The following RPAP3 variants were observed in gnomAD, a reference collection of about 807,000 sequenced individuals.
RPAP3 encodes the protein RNA polymerase II-associated protein 3.
In RPAP3, 58 loss-of-function variants were observed where a neutral mutation model predicts 88.8. The ratio of observed to expected loss-of-function variants is 0.65; its 90% CI spans 0.53 to 0.81. The LOEUF (loss-of-function observed/expected upper bound fraction) is 0.81. RPAP3 is among the 40% of genes least tolerant of loss of function. RPAP3 has a pLI of 0.00. For synonymous variants in RPAP3, 255 were observed against 259.9 expected (o/e 0.98, Z 0.18); for missense variants, 751 against 764.3 (o/e 0.98, Z 0.20).
At chr12:47,701,698 TCTA>T in intron 2 of RPAP3, 94 bp from the exon 3 acceptor site, 7 of 1,028,412 alleles carry the variant, frequency 6.8e-6, no homozygotes, top group Non-Finnish European at 9.0e-6. Context: ...TATATTTTCT[TCTA>T]AGAATTTTTT....
At chr12:47,679,919 T>C (rs1177876984) in intron 10 of RPAP3, 145 bp from the exon 11 acceptor site, 3 of 597,378 alleles carry the variant, frequency 5.0e-6, no homozygotes, top group Non-Finnish European at 5.9e-6. Context: ...AGGTGAGCTA[T>C]AGTAAGAACA....
intron 5 of RPAP3, 36 bp from the exon 6 acceptor site, chr12:47,690,675 T>A: frequency 7.4e-7 from 1 of 1,356,868 alleles, no homozygotes; most frequent in South Asian, 1.7e-5. Flanking sequence ...ATAAAGTTAA[T>A]AAAACTAATT....
intron 12 of RPAP3, among the ~76,000 whole-genome samples, chr12:47,675,134 A>G (rs923083128): frequency 6.6e-6 from 1 of 152,212 alleles, no homozygotes; most frequent in African/African-American, 2.4e-5. Flanking sequence ...AGAATTTCAT[A>G]TCTAGCCAAA....
intron 8 of RPAP3, among the ~76,000 whole-genome samples, chr12:47,687,277 A>T (rs1939344893): frequency 1.3e-5 from 2 of 152,170 alleles, no homozygotes; most frequent in African/African-American, 4.8e-5. Flanking sequence ...TCATAACTCA[A>T]ATAAATTTTG....
chr12:47,667,540 T>C (rs1342990917), intron 15 of RPAP3, among the ~76,000 whole-genome samples: 1 of 152,164 alleles, frequency 6.6e-6, no homozygotes, highest in Non-Finnish European at 1.5e-5. Flanking sequence ...GTACAGTAAA[T>C]TCTCACTTAA....
At chr12:47,690,922 C>G (rs1939415677) in intron 5 of RPAP3, among the ~76,000 whole-genome samples, 1 of 152,132 alleles carries the variant, frequency 6.6e-6, no homozygotes, top group African/African-American at 2.4e-5. Flanking sequence ...TTTATTTATA[C>G]TGTAATCTAA....
At position 47,701,465 on chromosome 12, in the gene RPAP3, A is replaced by T. The variant is rs369727824; in HGVS notation, c.293T>A (p.Val98Glu). Residue 98 changes from valine to glutamate, a missense_variant and splice_region_variant, in exon 3 of 17, where the codon GTG (valine) becomes GAG (glutamate). By Grantham distance (121) the Val-to-Glu change is moderately radical. Transcript: ENST00000005386. ...AAGCAAATGACTAGATTAACTTACC[A>T]CATCAAGTTTTGCCCATGCCTCATA... ...YDYEAWAKLD[V>E]DRILDELDKD... 4 of 1,558,000 alleles carry T rather than the reference A, an allele frequency of 2.6e-6. No homozygotes were observed. The African/African-American group carries it at 4.2e-5, about 16-fold the overall frequency.
At chr12:47,700,780 G>C (rs1193170915) in intron 3 of RPAP3, among the ~76,000 whole-genome samples, 1 of 152,176 alleles carries the variant, frequency 6.6e-6, no homozygotes, top group East Asian at 1.9e-4. Context: ...CTAGGATCAA[G>C]ATAGGCCTAT....
intron 12 of RPAP3, among the ~76,000 whole-genome samples, chr12:47,671,891 T>C (rs934524598): frequency 6.6e-6 from 1 of 151,938 alleles, no homozygotes; most frequent in East Asian, 1.9e-4. Context: ...GAAACCACTA[T>C]AGAAAGAACT....
rs146896767 is a variant in RPAP3, at chr12:47,705,572, C to G, written c.-7+380G>C. ...GGTGCGAGCCAGCAATCAAAAACTT[C>G]CAGCGCTGGGGGTATCACTTTCACA... On this transcript the variant is annotated intron_variant, in intron 1 of 16. Coordinates refer to ENST00000005386, the MANE Select transcript of RPAP3 (RefSeq NM_024604.3). Among the ~76,000 whole-genome samples the G allele has an allele frequency of 1.8e-3, 279 of 152,320 alleles. 11 individuals are homozygous for G. The East Asian group carries it at 0.043, about 23-fold the overall frequency.
intron 3 of RPAP3, chr12:47,699,998 T>TC (rs1305800031): frequency 6.7e-6 from 1 of 149,778 alleles, no homozygotes; most frequent in Non-Finnish European, 1.5e-5. Flanking sequence ...GTTCTTTTTT[T>TC]TTTTTTTTTT....
At chr12:47,679,360 A>C (rs1939177601) in intron 12 of RPAP3, 133 bp downstream of exon 12, 1 of 563,790 alleles carries the variant, frequency 1.8e-6, no homozygotes, top group Admixed American at 3.1e-5. Flanking sequence ...TCAGATCTGC[A>C]CGTTGTGCAC....
In RPAP3 at chr12:47,702,820, T is replaced by C; in HGVS notation, c.21A>G (p.Ala7=). Residue 7 remains alanine, a synonymous_variant, in exon 2 of 17, where the codon GCA becomes GCG. Transcript: ENST00000005386. ...GTTTCACTTGTAGTTGTAATTCGAT[T>C]GCTTTATTTGCTGAAGTCATTATGG... is the stretch of plus-strand genomic sequence containing the variant. MTSANK[A]IELQLQVKQN... 6.2e-7 allele frequency: 1 copy of C among 1,613,286 alleles called. No individual in the cohort carries two copies.
In RPAP3 at chr12:47,701,558, CCTTT is replaced by C; in HGVS notation, c.196_199del (p.Lys66AlafsTer19). ...TTTTTTGGAAGACTCTTTAGCTTTGCCTTTCTTCTTTTTCCTAAAATTCCCATTT... is the reference window on the plus strand; with the variant it reads ...TTTTTTGGAAGACTCTTTAGCTTTGCCTTCTTTTTCCTAAAATTCCCATTT... On this transcript the variant is annotated frameshift_variant, in exon 3 of 17. Transcript: ENST00000005386. LOFTEE classifies it high-confidence loss of function. 6.3e-7 allele frequency: 1 copy of C among 1,594,040 alleles called. No individual in the cohort carries two copies. The highest frequency in any genetic ancestry group is 1.4e-5 in the African/African-American group (1 of 73,836).
intron 1 of RPAP3, among the ~76,000 whole-genome samples, chr12:47,704,078 G>C (rs948792661): frequency 2.6e-5 from 4 of 152,226 alleles, no homozygotes; most frequent in African/African-American, 9.6e-5. Context: ...TAGGAATAGA[G>C]ATAAATTCCG....
chr12:47,675,522 T>C (rs1032586444), intron 12 of RPAP3, among the ~76,000 whole-genome samples: 6 of 152,090 alleles, frequency 3.9e-5, no homozygotes, highest in African/African-American at 9.7e-5. Context: ...AAGACGCACA[T>C]AGGCTCAAAA....
At chr12:47,693,245 AAGG>A (rs766079545) in intron 5 of RPAP3, among the ~76,000 whole-genome samples, 8 of 152,092 alleles carry the variant, frequency 5.3e-5, no homozygotes, top group Non-Finnish European at 1.0e-4. Flanking sequence ...AGGGAAGCCC[AAGG>A]AGAAGGAGAG....
chr12:47,668,778 T>C (rs1938934153), intron 14 of RPAP3, 138 bp downstream of exon 14: 2 of 594,008 alleles, frequency 3.4e-6, no homozygotes, highest in Non-Finnish European at 5.8e-6. Flanking sequence ...TTTTAAATGG[T>C]CTGACCAGGG....
Position 47,702,673 on chromosome 12 carries a change from G to C in RPAP3, c.153+15C>G. On this transcript the variant is annotated intron_variant, in intron 2 of 16. Coordinates refer to ENST00000005386, the MANE Select transcript of RPAP3 (RefSeq NM_024604.3). ...ATTAGTTTTGGTGGATCTTAATTAC[G>C]AATTCTTAATTTACCTCTTCAGGAA... 6.6e-7 allele frequency: 1 copy of C among 1,515,642 alleles called. No homozygotes were observed. Among genetic ancestry groups the C allele is most frequent in the East Asian group, 2.4e-5 (1 of 41,648 alleles). The allele number at this position is 1,515,642 out of a possible 1,614,324, so 93.9% of individuals were successfully genotyped here. A position where few individuals can be genotyped will look rare whatever the true frequency, so the allele number is the denominator to read the frequency against.
Sources: gnomAD v4.1 joint callset for allele counts (sites outside exome capture counted in the v4.1 genomes callset) on GRCh38, gnomAD v4.1.1 for gene constraint, MANE v1.5 for transcripts, NCBI Gene and HGNC (gene_info 2026-07-23, HGNC 2026-07-21) for gene names.